Variants in MKLN1 observed in about 807,000 individuals in gnomAD.
The protein encoded by MKLN1 is muskelin 1, also known as muskelin.
MKLN1 carries 18 observed loss-of-function variants against 99.0 expected under a neutral mutation model. That is an observed-to-expected ratio of 0.18 (90% CI 0.13 to 0.27). The LOEUF is 0.27. MKLN1 is among the 10% of genes least tolerant of loss of function. The probability of loss-of-function intolerance (pLI) is 1.00; values close to 1 mark genes in which losing one functional copy is unlikely to be tolerated. For missense variants in MKLN1, 621 were observed against 875.9 expected (o/e 0.71, Z 3.67); for synonymous variants, 288 against 293.2 (o/e 0.98, Z 0.18).
At chr7:131,455,950 G>A (rs1796323407) in intron 12 of MKLN1, among the ~76,000 whole-genome samples, 1 of 152,110 alleles carries the variant, frequency 6.6e-6, no homozygotes, top group Admixed American at 6.5e-5. Flanking sequence ...GGAGGCTGAG[G>A]CAGGATAATT....
chr7:131,317,349 C>A (rs1004057739), intron 3 of MKLN1, among the ~76,000 whole-genome samples: 4 of 152,154 alleles, frequency 2.6e-5, no homozygotes, highest in South Asian at 4.1e-4. Context: ...CATACCCAAC[C>A]AAACTAAGCT....
At chr7:131,372,545 C>T (rs1192618341) in intron 1 of MKLN1, among the ~76,000 whole-genome samples, 1 of 152,010 alleles carries the variant, frequency 6.6e-6, no homozygotes, top group East Asian at 1.9e-4. Context: ...TTTTCCCCTT[C>T]ACTTACTATG....
intron 2 of MKLN1, among the ~76,000 whole-genome samples, chr7:131,153,034 T>TATA (rs34593474): frequency 4.2e-3 from 583 of 139,316 alleles, no homozygotes; most frequent in Middle Eastern, 0.014. Context: ...TATATATATA[T>TATA]TTTTTTTTTT....
intron 1 of MKLN1, among the ~76,000 whole-genome samples, chr7:131,350,985 A>T (rs1453998026): frequency 6.6e-6 from 1 of 152,158 alleles, no homozygotes; most frequent in African/African-American, 2.4e-5. Context: ...TCCATATTTA[A>T]TTTTCAGTTT....
chr7:131,278,150 C>A (rs1252872193), intron 3 of MKLN1, among the ~76,000 whole-genome samples: 4 of 152,144 alleles, frequency 2.6e-5, no homozygotes, highest in African/African-American at 9.7e-5. Context: ...TCAAGCCAAT[C>A]TCCCACCTCA....
chr7:131,429,249 T>C, intron 9 of MKLN1, 104 bp downstream of exon 9: 1 of 687,544 alleles, frequency 1.5e-6, no homozygotes, highest in Non-Finnish European at 2.3e-6. Context: ...TCAGCAGTAG[T>C]AGCAATAGAA....
chr7:131,304,763 A>T (rs2116626286), intron 3 of MKLN1, among the ~76,000 whole-genome samples: 1 of 152,260 alleles, frequency 6.6e-6, no homozygotes, highest in South Asian at 2.1e-4. Flanking sequence ...CTATGGATTT[A>T]CTCTGGCCTA....
intron 2 of MKLN1, among the ~76,000 whole-genome samples, chr7:131,153,807 C>A (rs553991898): frequency 1.3e-5 from 2 of 151,618 alleles, no homozygotes. Flanking sequence ...GGATTACAGG[C>A]GTGCACCACC....
intron 2 of MKLN1, among the ~76,000 whole-genome samples, chr7:131,152,489 G>GTTT (rs1334779769): frequency 3.7e-5 from 5 of 136,102 alleles, no homozygotes; most frequent in South Asian, 2.6e-4. Context: ...TGTTGTTGTT[G>GTTT]TTTCTTTTTT....
chr7:131,122,180 AAGAG>A (rs1584773806), intron 1 of MKLN1, among the ~76,000 whole-genome samples: 1 of 152,256 alleles, frequency 6.6e-6, no homozygotes, highest in Non-Finnish European at 1.5e-5. Flanking sequence ...AGATTGAAGA[AAGAG>A]AGAAAGATGC....
intron 3 of MKLN1, among the ~76,000 whole-genome samples, chr7:131,245,207 G>A (rs957615988): frequency 6.6e-6 from 1 of 151,412 alleles, no homozygotes; most frequent in Non-Finnish European, 1.5e-5. Flanking sequence ...GCTGCATAAT[G>A]ACATTTCGGT....
chr7:131,217,355 C>A (rs890825181), intron 3 of MKLN1, among the ~76,000 whole-genome samples: 5 of 152,186 alleles, frequency 3.3e-5, no homozygotes, highest in Non-Finnish European at 5.9e-5. Context: ...GATCCCTGTG[C>A]AACTAAAAAT....
intron 1 of MKLN1, among the ~76,000 whole-genome samples, chr7:131,359,545 T>A (rs944833906): frequency 2.6e-5 from 4 of 152,148 alleles, no homozygotes; most frequent in Admixed American, 6.5e-5. Flanking sequence ...TATTCTGAGC[T>A]TCTGCCTGCT....
intron 3 of MKLN1, among the ~76,000 whole-genome samples, chr7:131,271,449 T>C (rs1224745919): frequency 2.7e-5 from 4 of 149,982 alleles, no homozygotes; most frequent in Admixed American, 1.3e-4. Context: ...AAACCGTGTC[T>C]CTACTAAAAA....
intron 1 of MKLN1, among the ~76,000 whole-genome samples, chr7:131,330,449 A>G (rs887433513): frequency 3.3e-5 from 5 of 152,182 alleles, no homozygotes; most frequent in African/African-American, 1.2e-4. Flanking sequence ...GTATCAACTC[A>G]TTTAATCCTT....
At chr7:131,279,138 A>G (rs1387862013) in intron 3 of MKLN1, among the ~76,000 whole-genome samples, 1 of 152,242 alleles carries the variant, frequency 6.6e-6, no homozygotes, top group African/African-American at 2.4e-5. Context: ...GACTATTCTC[A>G]TGAAGCTTTT....
chr7:131,336,157 A>G (rs1212621984), intron 1 of MKLN1, among the ~76,000 whole-genome samples: 1 of 152,044 alleles, frequency 6.6e-6, no homozygotes, highest in African/African-American at 2.4e-5. Flanking sequence ...GCACATACAA[A>G]CTTATCTTTC....
intron 1 of MKLN1, among the ~76,000 whole-genome samples, chr7:131,362,179 G>T (rs1800050171): frequency 6.6e-6 from 1 of 151,958 alleles, no homozygotes; most frequent in East Asian, 1.9e-4. Flanking sequence ...GTTGCTTAAC[G>T]ACTGGGATGT....
chr7:131,333,561 A>G (rs188877378), intron 1 of MKLN1, among the ~76,000 whole-genome samples: 1 of 149,470 alleles, frequency 6.7e-6, no homozygotes, highest in Non-Finnish European at 1.5e-5. Context: ...TTTGAAACGG[A>G]GTTTCGCTCT....
Sources: allele counts gnomAD v4.1 joint callset (sites outside exome capture counted in the v4.1 genomes callset), GRCh38; gene constraint gnomAD v4.1.1; transcripts MANE v1.5; gene names NCBI Gene and HGNC (gene_info 2026-07-23, HGNC 2026-07-21).